MRM1: variants seen among roughly 807,000 people sequenced by gnomAD.
MRM1 encodes mitochondrial rRNA methyltransferase 1.
MRM1 carries 24 observed loss-of-function variants against 25.0 expected under a neutral mutation model. The ratio of observed to expected loss-of-function variants is 0.96; its 90% confidence interval spans 0.69 to 1.35. The LOEUF is 1.35. Ranked by LOEUF, MRM1 falls within the 40% of genes most tolerant of loss-of-function variation. The probability of loss-of-function intolerance (pLI) is 0.00; values close to 1 mark genes in which losing one functional copy is unlikely to be tolerated. For synonymous variants in MRM1, 188 were observed against 199.2 expected (o/e 0.94, Z 0.47); for missense variants, 431 against 464.1 (o/e 0.93, Z 0.65).
chr17:36,611,363 A>G (rs2074975758), downstream of MRM1, among the ~76,000 whole-genome samples: 1 of 152,178 alleles, frequency 6.6e-6, no homozygotes, highest in African/African-American at 2.4e-5. Context: ...TGGGGATAGT[A>G]CCATTACTAC....
chr17:36,613,095 G>T (rs1030316036), downstream of MRM1, among the ~76,000 whole-genome samples: 4 of 152,132 alleles, frequency 2.6e-5, no homozygotes, highest in Admixed American at 2.0e-4. Context: ...AGAAGAATTG[G>T]CAGTGACTTG....
the MRM1 span, among the ~76,000 whole-genome samples, chr17:36,627,995 C>T: frequency 1.3e-5 from 2 of 152,058 alleles, no homozygotes; most frequent in Non-Finnish European, 2.9e-5. Context: ...TTTTGAACAT[C>T]AACAGGGCCT....
At chr17:36,615,307 A>G in the MRM1 span, among the ~76,000 whole-genome samples, 71 of 152,136 alleles carry the variant, frequency 4.7e-4, no homozygotes, top group Non-Finnish European at 8.5e-4. Flanking sequence ...GTTTGTAGGC[A>G]TCAGAAGGGA....
rs1281868050 is a variant in MRM1, at chr17:36,607,905, AG to A, written c.779del (p.Gly260AlafsTer31). 5 of 1,613,876 alleles carry A rather than the reference AG, an allele frequency of 3.1e-6. No homozygotes were observed. The highest frequency in any genetic ancestry group is 4.2e-6 in the Non-Finnish European group (5 of 1,179,854). ...ERPTLLVLGN[E>X]GSGLSQEVQA... ...TCAGCCCCACGCCCTGCAGGGAATG[AG>A]GGCTCAGGTCTATCCCAGGAGGTGC... On this transcript the variant is annotated frameshift_variant, in exon 4 of 5. Coordinates refer to ENST00000614766, the MANE Select transcript of MRM1 (RefSeq NM_024864.5). LOFTEE classifies it high-confidence loss of function.
At chr17:36,607,430 G>A (rs978822406) in intron 2 of MRM1, among the ~76,000 whole-genome samples, 1 of 150,794 alleles carries the variant, frequency 6.6e-6, no homozygotes, top group Non-Finnish European at 1.5e-5. Flanking sequence ...AGACCAACCA[G>A]GGCAACATGG....
Position 36,608,547 on chromosome 17 carries a change from G to A in MRM1, c.*132G>A, listed in dbSNP as rs575911517. ...GTTTATTGACCACAGTCTGGGGGGG[G>A]GGGAAGGGGACTGCGGTGGACACCA... On this transcript the variant is annotated 3_prime_UTR_variant, in exon 5 of 5. Coordinates refer to ENST00000614766, the MANE Select transcript of MRM1 (RefSeq NM_024864.5). 24 of 514,658 alleles carry A rather than the reference G, an allele frequency of 4.7e-5. 7 individuals carry two copies. The East Asian group carries it at 9.3e-4, about 20-fold the overall frequency. The allele number at this position is 514,658 out of a possible 1,614,324, so 31.9% of individuals were successfully genotyped here.
At chr17:36,627,674 G>GTTTTTTTTT in the MRM1 span, among the ~76,000 whole-genome samples, 4 of 83,728 alleles carry the variant, frequency 4.8e-5, no homozygotes, top group African/African-American at 1.0e-4. Context: ...TTTGGACACT[G>GTTTTTTTTT]TTTTTTTTTT....
At chr17:36,625,340 C>CCTTCTTCTTCTTCCTCTTCCT in the MRM1 span, among the ~76,000 whole-genome samples, 1 of 70,028 alleles carries the variant, frequency 1.4e-5, no homozygotes, top group African/African-American at 9.5e-5. Flanking sequence ...TTCTCCTTCG[C>CCTTCTTCTTCTTCCTCTTCCT]CTTCTTCTTC....
the MRM1 span, among the ~76,000 whole-genome samples, chr17:36,623,005 G>A: frequency 6.6e-6 from 1 of 152,200 alleles, no homozygotes; most frequent in East Asian, 1.9e-4. Flanking sequence ...ACTGCCCCAC[G>A]CCCCAGGGTG....
At chr17:36,604,422 C>T (rs2074909338) in intron 2 of MRM1, among the ~76,000 whole-genome samples, 1 of 152,200 alleles carries the variant, frequency 6.6e-6, no homozygotes, top group African/African-American at 2.4e-5. Flanking sequence ...CTCTGAGAGA[C>T]ATTTTTAGTG....
intron 2 of MRM1, among the ~76,000 whole-genome samples, chr17:36,604,506 G>T (rs2074910096): frequency 6.6e-6 from 1 of 152,128 alleles, no homozygotes; most frequent in East Asian, 1.9e-4. Flanking sequence ...TTTTGTTGTT[G>T]TTGTTAAGAG....
the MRM1 span, among the ~76,000 whole-genome samples, chr17:36,618,337 C>G: frequency 9.9e-5 from 15 of 152,094 alleles, no homozygotes; most frequent in Non-Finnish European, 2.2e-4. Context: ...GTGAGCAAGT[C>G]AGCGACAACC....
At chr17:36,611,462 C>G (rs1416319493), downstream of MRM1, among the ~76,000 whole-genome samples, 1 of 152,188 alleles carries the variant, frequency 6.6e-6, no homozygotes, top group Non-Finnish European at 1.5e-5. Flanking sequence ...CCAGAGGACA[C>G]TGCACCCCAG....
chr17:36,602,115 C>T lies in MRM1; in HGVS notation c.305C>T (p.Pro102Leu). The T allele has an allele frequency of 6.2e-7, 1 of 1,612,170 alleles. No homozygotes were observed. Among genetic ancestry groups the T allele is most frequent in the South Asian group, 1.1e-5 (1 of 91,080 alleles). ...AEARDIPVLR[P>L]RRQKLDTMCR... ...GCGCGGGACATTCCAGTTCTGCGGCCCAGACGGCAGAAACTGGACACAATG... is the reference window on the plus strand; with the variant it reads ...GCGCGGGACATTCCAGTTCTGCGGCTCAGACGGCAGAAACTGGACACAATG... Residue 102 changes from proline (P) to leucine (L), a missense_variant, in exon 1 of 5, where the codon CCC becomes CTC. Pro to Leu is a moderately conservative substitution (Grantham distance 98). Transcript: ENST00000614766. This position sits in a 1 kb window ranked among gnomAD's most constrained non-coding sequence, Gnocchi z 4.1.
chr17:36,610,079 C>T (rs759754195), downstream of MRM1, among the ~76,000 whole-genome samples: 2 of 151,944 alleles, frequency 1.3e-5, no homozygotes, highest in Non-Finnish European at 2.9e-5. Flanking sequence ...GCGTGCACCA[C>T]GCGCAGCTAA....
At chr17:36,605,710 T>C (rs1472221890) in intron 2 of MRM1, among the ~76,000 whole-genome samples, 1 of 151,886 alleles carries the variant, frequency 6.6e-6, no homozygotes, top group East Asian at 1.9e-4. Flanking sequence ...GCTTGTTCCT[T>C]CTGGAGCAAC....
downstream of MRM1, among the ~76,000 whole-genome samples, chr17:36,609,706 C>G (rs2074963208): frequency 6.6e-6 from 1 of 152,174 alleles, no homozygotes; most frequent in Non-Finnish European, 1.5e-5. Context: ...GGGGGCGCTC[C>G]TTACCCACCT....
chr17:36,622,896 G>T, the MRM1 span, among the ~76,000 whole-genome samples: 1 of 152,212 alleles, frequency 6.6e-6, no homozygotes, highest in East Asian at 1.9e-4. Flanking sequence ...GGGTGGGGAG[G>T]CTTGTGATCT....
In MRM1 at chr17:36,607,904, G is replaced by A. The variant is rs781242447; in HGVS notation, c.775G>A (p.Glu259Lys). The part of the protein sequence containing the change: ...ERPTLLVLGN[E>K]GSGLSQEVQA... Reference sequence around the variant, plus strand: ...CTCAGCCCCACGCCCTGCAGGGAATGAGGGCTCAGGTCTATCCCAGGAGGT... The same window carrying A: ...CTCAGCCCCACGCCCTGCAGGGAATAAGGGCTCAGGTCTATCCCAGGAGGT... Residue 259 changes from glutamate to lysine, a missense_variant, in exon 4 of 5, where the codon GAG (glutamate) becomes AAG (lysine). Transcript: ENST00000614766. 1 of 1,613,902 alleles carries A rather than the reference G, an allele frequency of 6.2e-7. No individual in the cohort carries two copies. The highest frequency in any genetic ancestry group is 8.5e-7 in the Non-Finnish European group (1 of 1,179,848).
Sources: gnomAD v4.1 joint callset for allele counts (sites outside exome capture counted in the v4.1 genomes callset) on GRCh38, gnomAD v4.1.1 for gene constraint, Gnocchi (gnomAD v3.1) non-coding constraint, MANE v1.5 for transcripts, NCBI Gene and HGNC (gene_info 2026-07-23, HGNC 2026-07-21) for gene names.